The following MEI4 variants were observed in gnomAD, a reference collection of about 807,000 sequenced individuals.
MEI4 encodes the protein meiosis-specific protein MEI4.
MEI4 carries 27 observed loss-of-function variants against 31.4 expected under a neutral mutation model. The observed-to-expected ratio is 0.86, with a 90% CI of 0.63 to 1.19. The LOEUF is 1.19. Ranked by LOEUF, MEI4 falls within the 50% of genes most tolerant of loss-of-function variation. The pLI, the probability that MEI4 is intolerant of heterozygous loss-of-function variation, is 0.00. For missense variants in MEI4, 329 were observed against 398.9 expected (o/e 0.82, Z 1.49); for synonymous variants, 122 against 145.4 (o/e 0.84, Z 1.16).
intron 2 of MEI4, among the ~76,000 whole-genome samples, chr6:77,705,774 A>G (rs1456411219): frequency 6.6e-6 from 1 of 152,198 alleles, no homozygotes; most frequent in African/African-American, 2.4e-5. Context: ...TTCCTGTTAC[A>G]AAAACACTGT....
intron 1 of MEI4, among the ~76,000 whole-genome samples, chr6:77,682,191 G>A (rs1768971255): frequency 6.6e-6 from 1 of 152,134 alleles, no homozygotes; most frequent in Admixed American, 6.5e-5. Context: ...TGATACATGA[G>A]GACTTCCTCC....
At chr6:77,865,700 A>C (rs1771007387) in intron 4 of MEI4, among the ~76,000 whole-genome samples, 1 of 152,208 alleles carries the variant, frequency 6.6e-6, no homozygotes, top group East Asian at 1.9e-4. Context: ...ATCAATAGAA[A>C]AAGAGGGAAT....
At chr6:77,714,988 T>A (rs1002847150) in intron 2 of MEI4, among the ~76,000 whole-genome samples, 1 of 152,220 alleles carries the variant, frequency 6.6e-6, no homozygotes, top group African/African-American at 2.4e-5. Flanking sequence ...AGTTCTCTGA[T>A]GGGAGGAAGC....
chr6:77,763,831 T>C lies in MEI4; in HGVS notation c.768+2166T>C, dbSNP rs149446254. On this transcript the variant is annotated intron_variant, in intron 3 of 4. Transcript: ENST00000684080. ...TTATTTGTTGGGAGACTTTTTTTTT[T>C]CTAGACGGAGTCTCACTCTGTCACC... Among the ~76,000 whole-genome samples the C allele has an allele frequency of 9.2e-4, 140 of 152,120 alleles. 3 individuals carry two copies. The East Asian group carries it at 0.025, about 27-fold the overall frequency.
chr6:77,850,403 A>T (rs1203520735), intron 4 of MEI4, among the ~76,000 whole-genome samples: 2 of 152,208 alleles, frequency 1.3e-5, no homozygotes, highest in Non-Finnish European at 2.9e-5. Context: ...AGGCCACAGT[A>T]ACCAAAACAG....
intron 3 of MEI4, among the ~76,000 whole-genome samples, chr6:77,801,061 G>A (rs2127700405): frequency 6.6e-6 from 1 of 152,334 alleles, no homozygotes; most frequent in Admixed American, 6.5e-5. Flanking sequence ...AATTTCAGAA[G>A]GAATGGTACC....
chr6:77,839,447 G>A (rs1770304245), intron 4 of MEI4, among the ~76,000 whole-genome samples: 2 of 152,072 alleles, frequency 1.3e-5, no homozygotes, highest in South Asian at 4.1e-4. Context: ...TTGGAGAAGG[G>A]CATCCTTAAT....
intron 4 of MEI4, among the ~76,000 whole-genome samples, chr6:77,894,656 A>G (rs1408153896): frequency 6.6e-6 from 1 of 152,166 alleles, no homozygotes; most frequent in East Asian, 1.9e-4. Context: ...TTTGCTTTCA[A>G]TTTCTAAACA....
chr6:77,734,236 C>G (rs1182062427), intron 2 of MEI4, among the ~76,000 whole-genome samples: 1 of 152,120 alleles, frequency 6.6e-6, no homozygotes, highest in East Asian at 1.9e-4. Context: ...GTGTTAACAT[C>G]TCCCATTATT....
chr6:77,825,158 A>G (rs1769914658), intron 3 of MEI4, among the ~76,000 whole-genome samples: 1 of 152,188 alleles, frequency 6.6e-6, no homozygotes, highest in African/African-American at 2.4e-5. Flanking sequence ...GATAAAAATG[A>G]TTTTTATAAA....
At chr6:77,757,168 G>C (rs1404031509) in intron 2 of MEI4, among the ~76,000 whole-genome samples, 1 of 152,064 alleles carries the variant, frequency 6.6e-6, no homozygotes, top group African/African-American at 2.4e-5. Context: ...TATCTTTCAG[G>C]GTTTTTGTGA....
At chr6:77,868,088 G>T (rs954854232) in intron 4 of MEI4, among the ~76,000 whole-genome samples, 2 of 146,938 alleles carry the variant, frequency 1.4e-5, no homozygotes, top group Non-Finnish European at 3.0e-5. Context: ...GGTGGGAGGA[G>T]GGATAGCATT....
intron 3 of MEI4, among the ~76,000 whole-genome samples, chr6:77,774,095 A>G (rs563907733): frequency 6.6e-6 from 1 of 152,228 alleles, no homozygotes; most frequent in East Asian, 1.9e-4. Context: ...CACTATGGAG[A>G]ACAGTTTGAG....
At chr6:77,697,103 G>C (rs554394330) in intron 2 of MEI4, among the ~76,000 whole-genome samples, 1 of 152,164 alleles carries the variant, frequency 6.6e-6, no homozygotes, top group South Asian at 2.1e-4. Context: ...CTGTGTGATC[G>C]GTGGTGTTAT....
At chr6:77,735,315 T>C (rs1018159225) in intron 2 of MEI4, among the ~76,000 whole-genome samples, 1 of 151,870 alleles carries the variant, frequency 6.6e-6, no homozygotes, top group South Asian at 2.1e-4. Context: ...CCATATTTCT[T>C]GGAGGCTTTG....
intron 3 of MEI4, among the ~76,000 whole-genome samples, chr6:77,768,417 G>A (rs896586902): frequency 1.3e-5 from 2 of 151,954 alleles, no homozygotes; most frequent in African/African-American, 4.8e-5. Context: ...TATGTTTATA[G>A]GGCTGGGTGC....
chr6:77,684,796 A>C (rs1338114620), intron 1 of MEI4, among the ~76,000 whole-genome samples: 1 of 152,146 alleles, frequency 6.6e-6, no homozygotes, highest in African/African-American at 2.4e-5. Context: ...AGTTATTGTA[A>C]ATAGTGCTAC....
At chr6:77,827,148 T>G (rs746109081) in intron 3 of MEI4, among the ~76,000 whole-genome samples, 2 of 151,820 alleles carry the variant, frequency 1.3e-5, no homozygotes, top group East Asian at 3.9e-4. Flanking sequence ...ATCACGAGGT[T>G]AGGAGATCAA....
chr6:77,804,089 G>T (rs567780849), intron 3 of MEI4, among the ~76,000 whole-genome samples: 1 of 152,294 alleles, frequency 6.6e-6, no homozygotes, highest in Non-Finnish European at 1.5e-5. Context: ...ACAGAGGCAG[G>T]CAGGCCTCCT....
Sources: allele counts gnomAD v4.1 joint callset (sites outside exome capture counted in the v4.1 genomes callset), GRCh38; gene constraint gnomAD v4.1.1; transcripts MANE v1.5; gene names NCBI Gene and HGNC (gene_info 2026-07-23, HGNC 2026-07-21).